C4orf54: variants seen among roughly 807,000 people sequenced by gnomAD.
C4orf54 encodes the protein uncharacterized protein C4orf54.
A neutral mutation model predicts 80.1 loss-of-function variants in C4orf54; 67 were observed. The ratio of observed to expected loss-of-function variants is 0.84; its 90% CI spans 0.69 to 1.03. The LOEUF is 1.03. C4orf54 is among the 50% of genes least tolerant of loss of function. C4orf54 has a pLI of 0.00. For missense variants in C4orf54, 2,434 were observed against 2,253.5 expected (o/e 1.08, Z -1.62); for synonymous variants, 1,000 against 917.0 (o/e 1.09, Z -1.64).
In C4orf54 at chr4:99,652,077, G is replaced by T; in HGVS notation, c.2572C>A (p.Arg858=). The stretch of plus-strand genomic sequence containing the variant: ...CTCTGCCTCTGCAGGCCCCTCTCTC[G>T]CTGCCTCTCGCTCCCGCGGGCGCCC... ...TEGARGSERQ[R]ERGLQRQSSR... The change falls in exon 2 of 3, where the codon CGA becomes AGA. Residue 858 remains arginine (R), a synonymous_variant. Coordinates refer to ENST00000511828, the MANE Select transcript of C4orf54 (RefSeq NM_001354435.2). 1.3e-6 allele frequency: 2 copies of T among 1,536,082 alleles called. No individual in the cohort carries two copies. Among genetic ancestry groups the T allele is most frequent in the Non-Finnish European group, 8.7e-7 (1 of 1,146,872 alleles).
intron 1 of C4orf54, among the ~76,000 whole-genome samples, chr4:99,655,731 G>A (rs1005755927): frequency 5.9e-5 from 9 of 152,256 alleles, no homozygotes; most frequent in Middle Eastern, 3.4e-3. Flanking sequence ...GGGTACTATC[G>A]GTGGAGAACC....
At chr4:99,643,163 A>G (rs1726633992) in intron 2 of C4orf54, among the ~76,000 whole-genome samples, 1 of 152,172 alleles carries the variant, frequency 6.6e-6, no homozygotes, top group Admixed American at 6.5e-5. Flanking sequence ...ATGAGGATCT[A>G]GTTTCAAGGG....
At chr4:99,645,410 T>TAAAAAAAA (rs70958324) in intron 2 of C4orf54, among the ~76,000 whole-genome samples, 9 of 55,818 alleles carry the variant, frequency 1.6e-4, no homozygotes, top group Admixed American at 4.2e-4. Context: ...AGGCTTACAG[T>TAAAAAAAA]AAAAAAAAAA....
chr4:99,642,916 G>GA (rs535951308), intron 2 of C4orf54, among the ~76,000 whole-genome samples: 12 of 152,310 alleles, frequency 7.9e-5, no homozygotes, highest in South Asian at 6.2e-4. Flanking sequence ...TAACATTCTG[G>GA]AAGGCCTTGG....
In C4orf54 at chr4:99,652,999, G is replaced by C; in HGVS notation, c.1650C>G (p.Gly550=). The change falls in exon 2 of 3, where the codon GGC becomes GGG. Residue 550 remains glycine (G), a synonymous_variant. Coordinates refer to ENST00000511828, the MANE Select transcript of C4orf54 (RefSeq NM_001354435.2). ...QNIIYAAKHE[G]DMSLRVSTAA... ...CTGTAGAGACGCGGAGGCTCATGTCGCCTTCATGCTTGGCAGCATAAATAA... is the reference window on the plus strand; with the variant it reads ...CTGTAGAGACGCGGAGGCTCATGTCCCCTTCATGCTTGGCAGCATAAATAA... The C allele has an allele frequency of 6.5e-7, 1 of 1,536,158 alleles. No homozygotes were observed. Among genetic ancestry groups the C allele is most frequent in the South Asian group, 1.2e-5 (1 of 84,062 alleles).
In C4orf54 at chr4:99,638,667, G is replaced by A. The variant is rs187078480; in HGVS notation, c.*2566C>T. On this transcript the variant is annotated 3_prime_UTR_variant, in exon 3 of 3. Coordinates refer to ENST00000511828, the MANE Select transcript of C4orf54 (RefSeq NM_001354435.2). ...TTCCCCTTGAGCTATAAAAGGAAGG[G>A]TATATCACTTCATTCAAATATTCAT... 1 of 152,080 alleles carries A rather than the reference G, an allele frequency of 6.6e-6. No homozygotes were observed. The allele number at this position is 152,080 out of a possible 1,614,324, so 9.4% of individuals were successfully genotyped here.
intron 2 of C4orf54, among the ~76,000 whole-genome samples, chr4:99,646,886 A>G (rs1726709357): frequency 6.6e-6 from 1 of 152,170 alleles, no homozygotes; most frequent in Non-Finnish European, 1.5e-5. Flanking sequence ...TACACACTTA[A>G]AAAAAATCCA....
rs1726907470 is a variant in C4orf54, at chr4:99,653,641, C to CCCT, written c.1005_1007dup (p.Gly339dup). On this transcript the variant is annotated inframe_insertion, in exon 2 of 3. Transcript: ENST00000511828. ...CTGTTCCATCTCCTGCCCCTCCTCC[C>CCCT]CCTCCTCCTTTTCCTCCTCCCCCTC... 1 of 1,534,000 alleles carries CCCT rather than the reference C, an allele frequency of 6.5e-7. No individual in the cohort carries two copies.
chr4:99,643,746 ACAC>A (rs1292310220), intron 2 of C4orf54, among the ~76,000 whole-genome samples: 1 of 61,794 alleles, frequency 1.6e-5, no homozygotes, highest in East Asian at 9.5e-4. Context: ...CACAACACAC[ACAC>A]ACACACACAC....
At position 99,653,068 on chromosome 4, in the gene C4orf54, G is replaced by A. The variant is rs767548142; in HGVS notation, c.1581C>T (p.Ser527=). 87 of 1,536,124 alleles carry A rather than the reference G, an allele frequency of 5.7e-5. No individual in the cohort carries two copies. Among genetic ancestry groups the A allele is most frequent in the Non-Finnish European group, 6.4e-5 (73 of 1,146,930 alleles). The change falls in exon 2 of 3, where the codon TCC becomes TCT. Residue 527 remains serine (S), a synonymous_variant. Transcript: ENST00000511828. ...SQILLSIKPA[S]RAINEPSNVR... ...CGTTGCTAGGCTCATTTATAGCCCG[G>A]GAAGCCGGTTTGATTGATAGGAGGA...
At chr4:99,654,700 T>A in intron 1 of C4orf54, 21 bp from the exon 2 acceptor site, 1 of 641,920 alleles carries the variant, frequency 1.6e-6, no homozygotes, top group Admixed American at 2.3e-5. Context: ...CGAGAGAAGG[T>A]CACGTCATTC....
chr4:99,653,060 A>G lies in C4orf54; in HGVS notation c.1589T>C (p.Ile530Thr). The G allele has an allele frequency of 6.5e-7, 1 of 1,536,212 alleles. No homozygotes were observed. Among genetic ancestry groups the G allele is most frequent in the South Asian group, 1.2e-5 (1 of 84,066 alleles). The change falls in exon 2 of 3, where the codon ATA becomes ACA. Residue 530 changes from isoleucine (I) to threonine (T), a missense_variant. By Grantham distance (89) the Ile-to-Thr change is moderately conservative. Coordinates refer to ENST00000511828, the MANE Select transcript of C4orf54 (RefSeq NM_001354435.2). The stretch of plus-strand genomic sequence containing the variant: ...TGCACGCACGTTGCTAGGCTCATTT[A>G]TAGCCCGGGAAGCCGGTTTGATTGA... ...LLSIKPASRA[I>T]NEPSNVRAKQ...
rs899256875 is a variant in C4orf54, at chr4:99,638,321, G to A, written c.*2912C>T. 6 of 152,004 alleles carry A rather than the reference G, an allele frequency of 3.9e-5. No individual in the cohort carries two copies. The allele number at this position is 152,004 out of a possible 1,614,324, so 9.4% of individuals were successfully genotyped here. ...GTACTTTTTAAAAACATACATTCTG[G>A]CGAATTAAATTTTTATACGGTTACA... is the stretch of plus-strand genomic sequence containing the variant. On this transcript the variant is annotated 3_prime_UTR_variant, in exon 3 of 3. Transcript: ENST00000511828.
chr4:99,638,976 T>C lies in C4orf54; in HGVS notation c.*2257A>G, dbSNP rs986441269. 1 of 152,186 alleles carries C rather than the reference T, an allele frequency of 6.6e-6. No individual in the cohort carries two copies. Among genetic ancestry groups the C allele is most frequent in the African/African-American group, 2.4e-5 (1 of 41,464 alleles). 9.4% of individuals were successfully genotyped at this position (152,186 alleles called of 1,614,324 possible). A position where few individuals can be genotyped will look rare whatever the true frequency, so the allele number is the denominator to read the frequency against. ...ACAAATGAAAAGCTTTTTCTTTCTTTCCTTAGTTTGTGTCCTAATTTACCT... is the reference window on the plus strand; with the variant it reads ...ACAAATGAAAAGCTTTTTCTTTCTTCCCTTAGTTTGTGTCCTAATTTACCT... On this transcript the variant is annotated 3_prime_UTR_variant, in exon 3 of 3. Transcript: ENST00000511828.
chr4:99,649,503 T>G lies in C4orf54; in HGVS notation c.5146A>C (p.Lys1716Gln). The G allele has an allele frequency of 6.5e-7, 1 of 1,536,126 alleles. No homozygotes were observed. Among genetic ancestry groups the G allele is most frequent in the Non-Finnish European group, 8.7e-7 (1 of 1,146,908 alleles). ...TCGGTGAACGTTGCAGCTGCCTCTT[T>G]GCTGGAAGGTTCTGCCACCATTGGG... ...LSPMVAEPSS[K>Q]EAAATFTEAP... The change falls in exon 2 of 3, where the codon AAA becomes CAA. Residue 1716 changes from lysine to glutamine, a missense_variant. Transcript: ENST00000511828.
At position 99,650,629 on chromosome 4, in the gene C4orf54, C is replaced by T. The variant is rs1726798486; in HGVS notation, c.4020G>A (p.Leu1340=). The T allele has an allele frequency of 6.5e-7, 1 of 1,535,918 alleles. No individual in the cohort carries two copies. The highest frequency in any genetic ancestry group is 8.7e-7 in the Non-Finnish European group (1 of 1,146,890). Residue 1340 remains leucine (L), a synonymous_variant, in exon 2 of 3, where the codon CTG becomes CTA. Transcript: ENST00000511828. ...VVLRGAPIER[L]QRRNSNPSAE... ...CGCTGGGGTTGGAGTTTCTCCGCTG[C>T]AGACGTTCTATGGGGGCCCCTCGCA...
chr4:99,645,667 G>C (rs954927181), intron 2 of C4orf54, among the ~76,000 whole-genome samples: 1 of 151,832 alleles, frequency 6.6e-6, no homozygotes, highest in Admixed American at 6.6e-5. Flanking sequence ...TCAAATAACA[G>C]AAATCTAAAA....
chr4:99,649,965 G>GC lies in C4orf54; in HGVS notation c.4683_4684insG (p.Gln1562AlafsTer50), dbSNP rs1388906540. ...TGTAGGGTGAAGGGCAGCGGCGGCT[G>GC]GTGGTAGATGGTGGTGGGGGGATGC... On this transcript the variant is annotated frameshift_variant, in exon 2 of 3. Transcript: ENST00000511828. LOFTEE classifies it low-confidence loss of function (END_TRUNC). 1 of 1,534,130 alleles carries GC rather than the reference G, an allele frequency of 6.5e-7. No homozygotes were observed. The highest frequency in any genetic ancestry group is 1.4e-5 in the African/African-American group (1 of 72,966).
At position 99,639,277 on chromosome 4, in the gene C4orf54, CA is replaced by C. The variant is rs774375905; in HGVS notation, c.*1955del. 2.6e-5 allele frequency: 4 copies of C among 152,098 alleles called. No homozygotes were observed. Among genetic ancestry groups the C allele is most frequent in the Non-Finnish European group, 5.9e-5 (4 of 67,992 alleles). The allele number at this position is 152,098 out of a possible 1,614,324, so 9.4% of individuals were successfully genotyped here. A position where few individuals can be genotyped will look rare whatever the true frequency, so the allele number is the denominator to read the frequency against. On this transcript the variant is annotated 3_prime_UTR_variant, in exon 3 of 3. Coordinates refer to ENST00000511828, the MANE Select transcript of C4orf54 (RefSeq NM_001354435.2). ...ACTGGAGGTTTCTTGGTGCTGCTTT[CA>C]GTAAAATAAGTGTAAGATTTCTGAA...
Sources: gnomAD v4.1 joint callset for allele counts (sites outside exome capture counted in the v4.1 genomes callset) on GRCh38, gnomAD v4.1.1 for gene constraint, MANE v1.5 for transcripts, NCBI Gene and HGNC (gene_info 2026-07-23, HGNC 2026-07-21) for gene names.